Variants in AKAP19 observed in about 807,000 individuals in gnomAD.
AKAP19 encodes the protein small A-kinase anchoring protein.
chr2:190,098,577 C>G, the AKAP19 span, among the ~76,000 whole-genome samples: 1 of 152,026 alleles, frequency 6.6e-6, no homozygotes, highest in Non-Finnish European at 1.5e-5. Flanking sequence ...CTTAAGGGCC[C>G]TAGGATTTTC....
At chr2:189,917,866 T>A in the AKAP19 span, 5 of 152,292 alleles carry the variant, frequency 3.3e-5, no homozygotes, top group African/African-American at 1.2e-4. Flanking sequence ...TTTCTGCTGT[T>A]TTTTATTTAT....
the AKAP19 span, among the ~76,000 whole-genome samples, chr2:190,197,662 A>G: frequency 6.6e-6 from 1 of 152,150 alleles, no homozygotes; most frequent in African/African-American, 2.4e-5. This position sits in a 1 kb window ranked among gnomAD's most constrained non-coding sequence, Gnocchi z 4.0. Context: ...GGGATTTAAC[A>G]TCTTGTGTTT....
the AKAP19 span, among the ~76,000 whole-genome samples, chr2:189,951,281 A>C: frequency 0.016 from 2,280 of 143,388 alleles, 26 homozygotes; most frequent in Admixed American, 0.035. Flanking sequence ...GGCTCACTGC[A>C]ACCTCCACCT....
At chr2:189,899,802 C>CG in the AKAP19 span, among the ~76,000 whole-genome samples, 1 of 22,832 alleles carries the variant, frequency 4.4e-5, no homozygotes, top group East Asian at 3.1e-3. Flanking sequence ...ATCTATATTT[C>CG]TTTACTTTTT....
chr2:190,013,625 C>T, the AKAP19 span, among the ~76,000 whole-genome samples: 1 of 152,092 alleles, frequency 6.6e-6, no homozygotes, highest in Admixed American at 6.5e-5. Flanking sequence ...ACGCCATTCT[C>T]CTGCCTCAGC....
the AKAP19 span, among the ~76,000 whole-genome samples, chr2:190,197,893 A>T: frequency 0.015 from 2,318 of 152,314 alleles, 62 homozygotes; most frequent in African/African-American, 0.051. This position sits in a 1 kb window ranked among gnomAD's most constrained non-coding sequence, Gnocchi z 4.0. Flanking sequence ...CCTTTTATTT[A>T]TCTGACACTC....
chr2:189,931,535 A>AT, the AKAP19 span, among the ~76,000 whole-genome samples: 15 of 152,030 alleles, frequency 9.9e-5, no homozygotes, highest in South Asian at 1.9e-3. Context: ...CTAATTAAAA[A>AT]TTTTTTTGTG....
the AKAP19 span, among the ~76,000 whole-genome samples, chr2:189,904,927 G>A: frequency 6.6e-6 from 1 of 151,914 alleles, no homozygotes; most frequent in East Asian, 1.9e-4. Context: ...GATTATATAT[G>A]TCAAAGTTCT....
chr2:190,129,829 A>G, the AKAP19 span, among the ~76,000 whole-genome samples: 1 of 152,176 alleles, frequency 6.6e-6, no homozygotes, highest in African/African-American at 2.4e-5. Flanking sequence ...AACTGGCTGT[A>G]GGTACAACTG....
the AKAP19 span, among the ~76,000 whole-genome samples, chr2:189,978,539 C>T: frequency 1.3e-5 from 2 of 152,256 alleles, no homozygotes; most frequent in South Asian, 4.1e-4. Context: ...GAGAATTGAA[C>T]CTTGGAGGCG....
chr2:190,055,417 C>T, the AKAP19 span, among the ~76,000 whole-genome samples: 2 of 152,022 alleles, frequency 1.3e-5, no homozygotes, highest in Non-Finnish European at 2.9e-5. Flanking sequence ...CAACATGGCA[C>T]ATGTATACAT....
chr2:190,024,908 C>T, the AKAP19 span, among the ~76,000 whole-genome samples: 1 of 152,100 alleles, frequency 6.6e-6, no homozygotes, highest in Non-Finnish European at 1.5e-5. Context: ...GATCTGTATT[C>T]ACTGCTTATT....
the AKAP19 span, among the ~76,000 whole-genome samples, chr2:189,908,916 T>A: frequency 6.6e-6 from 1 of 152,186 alleles, no homozygotes; most frequent in Non-Finnish European, 1.5e-5. Flanking sequence ...CTTATTCATT[T>A]TCTGTCTGGA....
the AKAP19 span, among the ~76,000 whole-genome samples, chr2:190,190,212 C>G: frequency 6.6e-6 from 1 of 152,096 alleles, no homozygotes; most frequent in Non-Finnish European, 1.5e-5. Context: ...ATTTCAGGGC[C>G]TCTTCCAAAC....
the AKAP19 span, among the ~76,000 whole-genome samples, chr2:189,905,428 A>G: frequency 1.3e-5 from 2 of 151,982 alleles, no homozygotes; most frequent in African/African-American, 4.8e-5. Context: ...GATATTCATA[A>G]TTTCCCTACC....
At chr2:190,037,145 C>A in the AKAP19 span, among the ~76,000 whole-genome samples, 1 of 152,174 alleles carries the variant, frequency 6.6e-6, no homozygotes, top group Non-Finnish European at 1.5e-5. Context: ...CTCAGACATC[C>A]TTGAAGTATA....
chr2:190,191,879 T>G, the AKAP19 span, among the ~76,000 whole-genome samples: 1 of 152,196 alleles, frequency 6.6e-6, no homozygotes, highest in Non-Finnish European at 1.5e-5. Context: ...GGCTAGATGA[T>G]GACTTGCAAA....
chr2:190,134,808 T>C, the AKAP19 span, among the ~76,000 whole-genome samples: 1,771 of 144,362 alleles, frequency 0.012, 32 homozygotes, highest in African/African-American at 0.043. Flanking sequence ...ATTACTATTC[T>C]ATATTGTTAA....
the AKAP19 span, among the ~76,000 whole-genome samples, chr2:189,995,128 T>C: frequency 6.6e-6 from 1 of 152,228 alleles, no homozygotes; most frequent in Non-Finnish European, 1.5e-5. Context: ...TCTATAAATA[T>C]CTGTTAAGTC....
Sources: gnomAD v4.1 joint callset for allele counts (sites outside exome capture counted in the v4.1 genomes callset) on GRCh38, gnomAD v4.1.1 for gene constraint, Gnocchi (gnomAD v3.1) non-coding constraint, MANE v1.5 for transcripts, NCBI Gene and HGNC (gene_info 2026-07-23, HGNC 2026-07-21) for gene names.